CNTRL: variants seen among roughly 807,000 people sequenced by gnomAD.
CNTRL encodes 110 kDa centrosomal protein.
CNTRL carries 233 observed loss-of-function variants against 303.7 expected under a neutral mutation model. The observed-to-expected ratio is 0.77, with a 90% CI of 0.69 to 0.86. CNTRL has a LOEUF of 0.86. Ranked by LOEUF, CNTRL falls within the 40% of genes least tolerant of loss-of-function variation. The probability of loss-of-function intolerance (pLI) is 0.00; values close to 1 mark genes in which losing one functional copy is unlikely to be tolerated. For missense variants in CNTRL, 2,524 were observed against 2,650.6 expected (o/e 0.95, Z 1.05); for synonymous variants, 900 against 922.2 (o/e 0.98, Z 0.44).
chr9:121,161,868 T>A lies in CNTRL; in HGVS notation c.5102T>A (p.Ile1701Asn). 1 of 1,613,120 alleles carries A rather than the reference T, an allele frequency of 6.2e-7. No individual in the cohort carries two copies. Among genetic ancestry groups the A allele is most frequent in the Non-Finnish European group, 8.5e-7 (1 of 1,179,046 alleles). The change falls in exon 33 of 44, where the codon ATT becomes AAT. Residue 1701 changes from isoleucine (I) to asparagine (N), a missense_variant. By Grantham distance (149) the Ile-to-Asn change is moderately radical. Coordinates refer to ENST00000373855, the MANE Select transcript of CNTRL (RefSeq NM_007018.6). ...MSKHKTELKNILDMLQLENHE... is the reference protein window; with the variant it reads ...MSKHKTELKNNLDMLQLENHE... Reference sequence around the variant, plus strand: ...TTCTATCCCTTAGAACTAAAGAATATTCTGGACATGTTGCAACTTGAAAAC... The same window carrying A: ...TTCTATCCCTTAGAACTAAAGAATAATCTGGACATGTTGCAACTTGAAAAC...
intron 7 of CNTRL, among the ~76,000 whole-genome samples, chr9:121,104,183 T>C (rs751070625): frequency 1.1e-4 from 17 of 152,334 alleles, no homozygotes; most frequent in Middle Eastern, 3.4e-3. Context: ...CACCATGGAA[T>C]ACTATGCAGC....
chr9:121,110,823 A>C (rs906616668), intron 8 of CNTRL, among the ~76,000 whole-genome samples: 1 of 152,114 alleles, frequency 6.6e-6, no homozygotes, highest in African/African-American at 2.4e-5. Flanking sequence ...TAATACTGTG[A>C]CTAGCCTACT....
At chr9:121,110,062 T>C (rs962133257) in intron 8 of CNTRL, among the ~76,000 whole-genome samples, 8 of 152,150 alleles carry the variant, frequency 5.3e-5, no homozygotes, top group East Asian at 1.9e-4. Context: ...AAGTTTTCCA[T>C]TTTAAAAAAG....
intron 25 of CNTRL, among the ~76,000 whole-genome samples, chr9:121,151,387 C>CTTTTTTTTTTT (rs71370632): frequency 3.3e-5 from 3 of 90,430 alleles, no homozygotes; most frequent in African/African-American, 4.1e-5. Flanking sequence ...TTTTCTTCTT[C>CTTTTTTTTTTT]TTTTTTTTTT....
intron 22 of CNTRL, 152 bp downstream of exon 22, chr9:121,145,537 C>A: frequency 1.3e-6 from 1 of 783,886 alleles, no homozygotes. Context: ...TAAAATAAAT[C>A]AGATAATTTT....
rs151320592 is a variant in CNTRL at position 121,168,284 on chromosome 9, G to A, written c.6033G>A (p.Arg2011=). The A allele has an allele frequency of 1.5e-4, 242 of 1,614,196 alleles. 4 individuals carry two copies. The Middle Eastern group carries it at 2.8e-3, about 19-fold the overall frequency. ...ERVRTLQEEE[R]WCESLEKTLS... is the part of the protein sequence containing the mutation. ...TTAGGACTCTGCAGGAAGAGGAGAG[G>A]TGGTGTGAGAGCCTGGAGAAGACAC... The change falls in exon 38 of 44, where the codon AGG becomes AGA. Residue 2011 remains arginine, a synonymous_variant. Transcript: ENST00000373855.
In CNTRL at chr9:121,133,712, A is replaced by G. The variant is rs142181547; in HGVS notation, c.2026-2094A>G. ...AACCAGGTACCTCAGTTGGAAATGC[A>G]GAAATCACCCGTCGTCTGCGTCGAT... is the stretch of plus-strand genomic sequence containing the variant. On this transcript the variant is annotated intron_variant, in intron 14 of 43. Transcript: ENST00000373855. Among the ~76,000 whole-genome samples the G allele has an allele frequency of 5.6e-3, 850 of 152,352 alleles. 9 individuals carry two copies. Among genetic ancestry groups the G allele is most frequent in the Middle Eastern group, 0.027 (8 of 294 alleles).
chr9:121,142,090 G>A lies in CNTRL; in HGVS notation c.2692-1G>A. ...ATTCTTGAAATTGTATTTCTTCACA[G>A]ATGAATTTTGATAAGAGGCAACATG... On this transcript the variant is annotated splice_acceptor_variant, in intron 18 of 43. Coordinates refer to ENST00000373855, the MANE Select transcript of CNTRL (RefSeq NM_007018.6). LOFTEE classifies it high-confidence loss of function. 1 of 1,570,884 alleles carries A rather than the reference G, an allele frequency of 6.4e-7. No homozygotes were observed. Among genetic ancestry groups the A allele is most frequent in the African/African-American group, 1.4e-5 (1 of 72,790 alleles).
chr9:121,136,088 A>T, intron 15 of CNTRL, 106 bp downstream of exon 15: 1 of 1,056,882 alleles, frequency 9.5e-7, no homozygotes, highest in East Asian at 2.6e-5. Flanking sequence ...TTTTCATACA[A>T]TATATATGGA....
chr9:121,174,331 T>C (rs2053436885), intron 42 of CNTRL, among the ~76,000 whole-genome samples: 1 of 152,206 alleles, frequency 6.6e-6, no homozygotes, highest in Non-Finnish European at 1.5e-5. Context: ...GCTATAGTAT[T>C]GAGTGGAGCC....
intron 23 of CNTRL, 59 bp downstream of exon 23, chr9:121,146,315 T>C (rs996170928): frequency 6.5e-7 from 1 of 1,529,266 alleles, no homozygotes; most frequent in African/African-American, 1.4e-5. Context: ...AGTGTGACAT[T>C]GTCCCCTTCC....
chr9:121,172,192 AAAT>A (rs990982200), intron 40 of CNTRL, among the ~76,000 whole-genome samples: 1 of 152,238 alleles, frequency 6.6e-6, no homozygotes, highest in African/African-American at 2.4e-5. Flanking sequence ...AACCAAAAAA[AAAT>A]TATTTAAAGA....
Position 121,146,256 on chromosome 9 carries a change from A to G in CNTRL, c.3459A>G (p.Lys1153=). 1 of 1,605,814 alleles carries G rather than the reference A, an allele frequency of 6.2e-7. No homozygotes were observed. The highest frequency in any genetic ancestry group is 8.5e-7 in the Non-Finnish European group (1 of 1,178,000). Residue 1153 remains lysine (K), a splice_region_variant and synonymous_variant, in exon 23 of 44, where the codon AAA becomes AAG. Coordinates refer to ENST00000373855, the MANE Select transcript of CNTRL (RefSeq NM_007018.6). ...WYFMPPPPSS[K]VSSHSSQATK... ...TTATGCCACCACCACCATCATCAAAAGTAGGAATTCTGTGGTGTTGGGAAT... is the reference window on the plus strand; with the variant it reads ...TTATGCCACCACCACCATCATCAAAGGTAGGAATTCTGTGGTGTTGGGAAT...
At chr9:121,174,646 G>GA (rs1274788962) in intron 42 of CNTRL, among the ~76,000 whole-genome samples, 2 of 151,928 alleles carry the variant, frequency 1.3e-5, no homozygotes, top group African/African-American at 2.4e-5. Context: ...TAAGACTTAG[G>GA]AAAAAATACA....
intron 24 of CNTRL, among the ~76,000 whole-genome samples, chr9:121,149,741 G>T (rs998226575): frequency 3.9e-5 from 6 of 152,164 alleles, no homozygotes; most frequent in African/African-American, 1.4e-4. Flanking sequence ...TGTGTGCTAG[G>T]TTCTCTGTTG....
At chr9:121,161,828 T>G in intron 32 of CNTRL, 28 bp from the exon 33 acceptor site, 1 of 1,485,566 alleles carries the variant, frequency 6.7e-7, no homozygotes, top group Non-Finnish European at 9.4e-7. Context: ...TTTAATATCA[T>G]GGACCATGCT....
chr9:121,122,043 G>A, intron 12 of CNTRL: 1 of 463,182 alleles, frequency 2.2e-6, no homozygotes, highest in Non-Finnish European at 2.8e-6. Flanking sequence ...TCTTTTGTGA[G>A]CTCCACCGTG....
Position 121,144,917 on chromosome 9 carries a change from G to A in CNTRL, c.3126G>A (p.Glu1042=). 1 of 1,613,600 alleles carries A rather than the reference G, an allele frequency of 6.2e-7. No homozygotes were observed. Among genetic ancestry groups the A allele is most frequent in the Non-Finnish European group, 8.5e-7 (1 of 1,179,936 alleles). The part of the protein sequence containing the change: ...AARDLTRAEA[E]IELLQNLLRQ... The stretch of plus-strand genomic sequence containing the variant: ...GAGATCTCACCCGAGCAGAAGCTGA[G>A]ATCGAACTCCTGCAGAATCTCCTCA... Residue 1042 remains glutamate (E), a synonymous_variant, in exon 21 of 44, where the codon GAG becomes GAA. Coordinates refer to ENST00000373855, the MANE Select transcript of CNTRL (RefSeq NM_007018.6).
At chr9:121,175,696 T>C (rs1192120527) in intron 43 of CNTRL, among the ~76,000 whole-genome samples, 1 of 152,232 alleles carries the variant, frequency 6.6e-6, no homozygotes, top group Non-Finnish European at 1.5e-5. Context: ...GAAAAACTTG[T>C]CTTAGCAAAG....
Sources: allele counts gnomAD v4.1 joint callset (sites outside exome capture counted in the v4.1 genomes callset), GRCh38; gene constraint gnomAD v4.1.1; transcripts MANE v1.5; gene names NCBI Gene and HGNC (gene_info 2026-07-23, HGNC 2026-07-21).